The following YPEL5 variants were observed in gnomAD, a reference collection of about 807,000 sequenced individuals.
The protein encoded by YPEL5 is protein yippee-like 5.
YPEL5 carries 1 observed loss-of-function variant against 10.5 expected under a neutral mutation model. That is an observed-to-expected ratio of 0.10 (90% CI 0.03 to 0.45). The LOEUF is 0.45. Among genes scored for constraint, YPEL5 ranks in the 20% least tolerant of loss-of-function variants. YPEL5 has a pLI of 0.97. For synonymous variants in YPEL5, 61 were observed against 56.6 expected (o/e 1.08, Z -0.35); for missense variants, 68 against 159.3 (o/e 0.43, Z 3.09).
chr2:30,158,622 G>A lies in YPEL5; in HGVS notation c.145G>A (p.Val49Ile). 1 of 1,613,262 alleles carries A rather than the reference G, an allele frequency of 6.2e-7. No individual in the cohort carries two copies. The highest frequency in any genetic ancestry group is 8.5e-7 in the Non-Finnish European group (1 of 1,179,976). ...TGRAFLFNKV[V>I]NLQYSEVQDR... ...GATTTTCCTTGTCCCTTGTTAGGTA[G>A]TTAACCTGCAGTACAGTGAAGTTCA... Residue 49 changes from valine to isoleucine, a missense_variant, in exon 3 of 3, where the codon GTT becomes ATT. Val to Ile is a conservative substitution (Grantham distance 29). Around this residue, in one of 2 missense-constraint regions of YPEL5, gnomAD observed 48 missense variants for 138.4 expected, o/e 0.35. Transcript: ENST00000261353.
At chr2:30,153,050 G>A (rs903972803) in intron 1 of YPEL5, among the ~76,000 whole-genome samples, 25 of 152,148 alleles carry the variant, frequency 1.6e-4, no homozygotes, top group South Asian at 1.5e-3. Context: ...ACAGGTGCCC[G>A]CCACCATGCC....
chr2:30,154,119 A>G (rs541528972), intron 1 of YPEL5, among the ~76,000 whole-genome samples: 1 of 152,362 alleles, frequency 6.6e-6, no homozygotes, highest in South Asian at 2.1e-4. Context: ...AAAAGTCTTA[A>G]GGGAAATTGG....
At chr2:30,157,366 C>T (rs1676088816) in intron 2 of YPEL5, among the ~76,000 whole-genome samples, 2 of 152,082 alleles carry the variant, frequency 1.3e-5, no homozygotes, top group Non-Finnish European at 2.9e-5. Context: ...AACTTCAGCA[C>T]AGACTATGGA....
At chr2:30,153,860 C>G (rs904861184) in intron 1 of YPEL5, among the ~76,000 whole-genome samples, 1 of 152,030 alleles carries the variant, frequency 6.6e-6, no homozygotes, top group Non-Finnish European at 1.5e-5. Flanking sequence ...AGTAAAAATA[C>G]TTGGGTAAAG....
rs144048128 is a variant in YPEL5 at position 30,156,140 on chromosome 2, CTG to C, written c.-24-484_-24-483del. Among the ~76,000 whole-genome samples, 1,353 of 152,322 alleles carry C rather than the reference CTG, an allele frequency of 8.9e-3. 26 individuals carry two copies. Among genetic ancestry groups the C allele is most frequent in the African/African-American group, 0.031 (1,299 of 41,572 alleles). On this transcript the variant is annotated intron_variant, in intron 1 of 2. Coordinates refer to ENST00000261353, the MANE Select transcript of YPEL5 (RefSeq NM_016061.3). ...CCTGGTGATCACAGACCTACTCACT[CTG>C]TGTTCTCAAACCAGACTACTCTCTT... is the stretch of plus-strand genomic sequence containing the variant.
intron 1 of YPEL5, among the ~76,000 whole-genome samples, chr2:30,150,705 A>G (rs1429986258): frequency 6.6e-6 from 1 of 152,210 alleles, no homozygotes; most frequent in Non-Finnish European, 1.5e-5. Flanking sequence ...AATGCCAACC[A>G]AGTTTCCATT....
chr2:30,149,625 G>A (rs1675685686), intron 1 of YPEL5, among the ~76,000 whole-genome samples: 1 of 152,246 alleles, frequency 6.6e-6, no homozygotes, highest in Non-Finnish European at 1.5e-5. Flanking sequence ...GGCGAGGGAA[G>A]AGATTAAAAA....
chr2:30,147,843 C>CCCG (rs1487345593), intron 1 of YPEL5: 1 of 154,008 alleles, frequency 6.5e-6, no homozygotes, highest in East Asian at 1.9e-4. Context: ...CGAGGGAGGC[C>CCCG]CCGCCGCCAC....
At chr2:30,153,222 G>C (rs1675894979) in intron 1 of YPEL5, among the ~76,000 whole-genome samples, 1 of 152,104 alleles carries the variant, frequency 6.6e-6, no homozygotes, top group South Asian at 2.1e-4. Context: ...TTAAATAAGT[G>C]GCTGTCTTAG....
At position 30,159,280 on chromosome 2, in the gene YPEL5, A is replaced by G. The variant is rs1197739722; in HGVS notation, c.*437A>G. 1.7e-5 allele frequency: 3 copies of G among 175,308 alleles called. No individual in the cohort carries two copies. Among genetic ancestry groups the G allele is most frequent in the South Asian group, 2.4e-4 (2 of 8,424 alleles). 10.9% of individuals were successfully genotyped at this position (175,308 alleles called of 1,614,324 possible). ...TTATTTCACTTGATTTGCTAGCTTC[A>G]GAGAAGAGATCCGAATCTGTGCCCA... On this transcript the variant is annotated 3_prime_UTR_variant, in exon 3 of 3. Transcript: ENST00000261353.
chr2:30,149,525 T>C (rs942300047), intron 1 of YPEL5, among the ~76,000 whole-genome samples: 1 of 152,132 alleles, frequency 6.6e-6, no homozygotes, highest in Non-Finnish European at 1.5e-5. Context: ...GTATAAAGAG[T>C]TGATGAAATT....
chr2:30,159,246 T>A lies in YPEL5; in HGVS notation c.*403T>A, dbSNP rs1676174846. On this transcript the variant is annotated 3_prime_UTR_variant, in exon 3 of 3. Coordinates refer to ENST00000261353, the MANE Select transcript of YPEL5 (RefSeq NM_016061.3). Reference sequence around the variant, plus strand: ...GGGCTTCATTTTAAACTTTTTTTTTTAAACCCAGTTATTTCACTTGATTTG... The same window carrying A: ...GGGCTTCATTTTAAACTTTTTTTTTAAAACCCAGTTATTTCACTTGATTTG... 2 of 178,446 alleles carry A rather than the reference T, an allele frequency of 1.1e-5. No individual in the cohort carries two copies. Among genetic ancestry groups the A allele is most frequent in the South Asian group, 1.1e-4 (1 of 8,766 alleles). The allele number at this position is 178,446 out of a possible 1,614,324, so 11.1% of individuals were successfully genotyped here. A position where few individuals can be genotyped will look rare whatever the true frequency, so the allele number is the denominator to read the frequency against.
intron 1 of YPEL5, among the ~76,000 whole-genome samples, chr2:30,147,298 C>T (rs1021310982): frequency 6.0e-5 from 9 of 150,758 alleles, no homozygotes; most frequent in African/African-American, 2.2e-4. Flanking sequence ...TTTGTGAGGC[C>T]TGGCGCGGCG....
rs563727267 is a variant in YPEL5 at position 30,148,411 on chromosome 2, G to GT, written c.-25+1350dup. 570 of 152,310 alleles carry GT rather than the reference G, an allele frequency of 3.7e-3. 10 individuals are homozygous for GT. In the South Asian group the frequency reaches 0.042, roughly 11 times the overall value. 9.4% of individuals were successfully genotyped at this position (152,310 alleles called of 1,614,324 possible). On this transcript the variant is annotated intron_variant, in intron 1 of 2. Coordinates refer to ENST00000261353, the MANE Select transcript of YPEL5 (RefSeq NM_016061.3). Reference sequence around the variant, plus strand: ...AACTTTGCATAGCCACATATAGAGCGTCGCAGCTGCATTCCACCAAAGAGG... The same window carrying GT: ...AACTTTGCATAGCCACATATAGAGCGTTCGCAGCTGCATTCCACCAAAGAGG...
At chr2:30,157,238 G>A (rs573883916) in intron 2 of YPEL5, among the ~76,000 whole-genome samples, 3 of 151,802 alleles carry the variant, frequency 2.0e-5, no homozygotes, top group Admixed American at 6.6e-5. Flanking sequence ...AGCCGAGATA[G>A]CGCCACTGCA....
In YPEL5 at chr2:30,159,009, A is replaced by G; in HGVS notation, c.*166A>G. ...TCTTTCTTTCTTTCTTTTTTTTTAAATTTTGTATTTTCCATCCAACAGCAG... is the reference window on the plus strand; with the variant it reads ...TCTTTCTTTCTTTCTTTTTTTTTAAGTTTTGTATTTTCCATCCAACAGCAG... On this transcript the variant is annotated 3_prime_UTR_variant, in exon 3 of 3. Coordinates refer to ENST00000261353, the MANE Select transcript of YPEL5 (RefSeq NM_016061.3). The G allele has an allele frequency of 1.4e-6, 1 of 702,908 alleles. No homozygotes were observed. Among genetic ancestry groups the G allele is most frequent in the Non-Finnish European group, 2.3e-6 (1 of 433,296 alleles). The allele number at this position is 702,908 out of a possible 1,614,324, so 43.5% of individuals were successfully genotyped here. A position where few individuals can be genotyped will look rare whatever the true frequency, so the allele number is the denominator to read the frequency against.
At chr2:30,152,265 G>A (rs1675832134) in intron 1 of YPEL5, among the ~76,000 whole-genome samples, 1 of 152,078 alleles carries the variant, frequency 6.6e-6, no homozygotes, top group Admixed American at 6.6e-5. Flanking sequence ...AGAAATGGGC[G>A]GCACATGCCT....
intron 1 of YPEL5, among the ~76,000 whole-genome samples, chr2:30,152,632 T>G (rs774627609): frequency 2.6e-5 from 4 of 152,172 alleles, no homozygotes; most frequent in Non-Finnish European, 5.9e-5. Flanking sequence ...ACTAGAGAGA[T>G]AATAGAATGC....
chr2:30,149,376 C>G (rs180890262), intron 1 of YPEL5, among the ~76,000 whole-genome samples: 1 of 152,204 alleles, frequency 6.6e-6, no homozygotes, highest in Non-Finnish European at 1.5e-5. Context: ...TGGTCACGTA[C>G]TGCAAGAGGA....
Sources: allele counts gnomAD v4.1 joint callset (sites outside exome capture counted in the v4.1 genomes callset), GRCh38; gene constraint gnomAD v4.1.1; regional missense constraint gnomAD v4.1.1; transcripts MANE v1.5; gene names NCBI Gene and HGNC (gene_info 2026-07-23, HGNC 2026-07-21).